WIPI2: variants seen among roughly 807,000 people sequenced by gnomAD.
WIPI2 encodes WD repeat domain, phosphoinositide interacting 2.
A neutral mutation model predicts 52.3 loss-of-function variants in WIPI2; 28 were observed. The observed-to-expected ratio is 0.54, with a 90% CI of 0.40 to 0.73. The LOEUF is 0.73. Ranked by LOEUF, WIPI2 falls within the 30% of genes least tolerant of loss-of-function variation. The pLI, the probability that WIPI2 is intolerant of heterozygous loss-of-function variation, is 0.00. For missense variants in WIPI2, 506 were observed against 602.9 expected (o/e 0.84, Z 1.68); for synonymous variants, 268 against 245.0 (o/e 1.09, Z -0.88).
intron 3 of WIPI2, among the ~76,000 whole-genome samples, chr7:5,200,416 C>A (rs570186758): frequency 6.6e-6 from 1 of 152,288 alleles, no homozygotes; most frequent in South Asian, 2.1e-4. Flanking sequence ...GCATCCTTTA[C>A]CCTGTTCTTC....
intron 2 of WIPI2, chr7:5,193,395 G>A: frequency 7.8e-7 from 1 of 1,280,630 alleles, no homozygotes; most frequent in Non-Finnish European, 1.0e-6. Context: ...AAAAGGGATG[G>A]AATGAAGAAA....
chr7:5,193,702 A>G lies in WIPI2; in HGVS notation c.128+531A>G, dbSNP rs111313365. 4.4e-4 allele frequency among the ~76,000 whole-genome samples: 67 copies of G among 152,248 alleles called. 1 individual carries two copies. The highest frequency in any genetic ancestry group is 3.4e-3 in the Middle Eastern group (1 of 294). On this transcript the variant is annotated intron_variant, in intron 2 of 12. Transcript: ENST00000288828. The stretch of plus-strand genomic sequence containing the variant: ...GCGGTCCTCCTGCCTCAGCCTCCCG[A>G]GAAACCGGGACTACAGGCGTAGGCC...
rs1468227209 is a variant in WIPI2 at position 5,215,202 on chromosome 7, T to C, written c.381+498T>C. On this transcript the variant is annotated intron_variant, in intron 4 of 12. Transcript: ENST00000288828. Reference sequence around the variant, plus strand: ...GGCAGGCACCTGTAATCCCGGCTACTCGGGAGGCTGAGGCAGGAAAATCGC... The same window carrying C: ...GGCAGGCACCTGTAATCCCGGCTACCCGGGAGGCTGAGGCAGGAAAATCGC... Among the ~76,000 whole-genome samples, 3 of 151,972 alleles carry C rather than the reference T, an allele frequency of 2.0e-5. No homozygotes were observed. The East Asian group carries it at 5.8e-4, about 29-fold the overall frequency.
At chr7:5,194,998 A>T (rs533269370) in intron 2 of WIPI2, among the ~76,000 whole-genome samples, 1 of 152,198 alleles carries the variant, frequency 6.6e-6, no homozygotes, top group Admixed American at 6.5e-5. Context: ...GGATGTGTTC[A>T]AGTGCGTTTA....
Position 5,225,850 on chromosome 7 carries a change from C to T in WIPI2, c.768C>T (p.Phe256=), listed in dbSNP as rs1319870578. 1 of 1,613,550 alleles carries T rather than the reference C, an allele frequency of 6.2e-7. No homozygotes were observed. The highest frequency in any genetic ancestry group is 1.7e-5 in the Admixed American group (1 of 59,948). The change falls in exon 9 of 13, where the codon TTC becomes TTT. Residue 256 remains phenylalanine, a synonymous_variant. Coordinates refer to ENST00000288828, the MANE Select transcript of WIPI2 (RefSeq NM_015610.4). ...GCGTGAGCATCTGCTCCCTGGCCTT[C>T]AGCATGGACGGCATGTTCCTCTCCG... is the stretch of plus-strand genomic sequence containing the variant. ...KRCVSICSLA[F]SMDGMFLSAS... is the part of the protein sequence containing the mutation.
rs1304851097 is a variant in WIPI2 at position 5,227,565 on chromosome 7, G to A, written c.1013+221G>A. Among the ~76,000 whole-genome samples the A allele has an allele frequency of 6.6e-6, 1 of 152,194 alleles. No homozygotes were observed. The highest frequency in any genetic ancestry group is 1.5e-5 in the Non-Finnish European group (1 of 68,040). On this transcript the variant is annotated intron_variant, in intron 10 of 12. Coordinates refer to ENST00000288828, the MANE Select transcript of WIPI2 (RefSeq NM_015610.4). This position sits in a 1 kb window ranked among gnomAD's most constrained non-coding sequence, Gnocchi z 8.1. ...AGACGGGCTCCCGTTCTGTTTTTGT[G>A]GATAGTCTGCGGTATTAATGAAAGA...
rs1782903255 is a variant in WIPI2 at position 5,217,909 on chromosome 7, G to T, written c.577-13G>T. 1.2e-6 allele frequency: 2 copies of T among 1,614,034 alleles called. No individual in the cohort carries two copies. The highest frequency in any genetic ancestry group is 1.7e-6 in the Non-Finnish European group (2 of 1,179,932). On this transcript the variant is annotated splice_polypyrimidine_tract_variant and intron_variant, in intron 6 of 12. Transcript: ENST00000288828. ...TGTGCGGTGGCCACTCTTTATTGGTGTCCCTTTTTCAGAGAGCTGCAAACA... is the reference window on the plus strand; with the variant it reads ...TGTGCGGTGGCCACTCTTTATTGGTTTCCCTTTTTCAGAGAGCTGCAAACA...
intron 5 of WIPI2, 132 bp downstream of exon 5, chr7:5,216,791 C>T: frequency 1.1e-6 from 1 of 882,660 alleles, no homozygotes; most frequent in South Asian, 1.7e-5. Flanking sequence ...GATCCCAAAC[C>T]AAGCTGCCTT....
intron 8 of WIPI2, among the ~76,000 whole-genome samples, chr7:5,223,283 G>C (rs1193605271): frequency 6.6e-6 from 1 of 152,198 alleles, no homozygotes; most frequent in Non-Finnish European, 1.5e-5. Context: ...AGCACTTTCA[G>C]TCGCATGGCC....
intron 3 of WIPI2, chr7:5,214,250 T>C: frequency 7.3e-7 from 1 of 1,368,914 alleles, no homozygotes; most frequent in South Asian, 1.5e-5. Flanking sequence ...GTTCCTAAAC[T>C]CACCATTCAA....
intron 3 of WIPI2, chr7:5,212,966 G>A (rs1274996178): frequency 6.6e-6 from 1 of 152,236 alleles, no homozygotes; most frequent in Non-Finnish European, 1.5e-5. Flanking sequence ...TTGACATTCT[G>A]GGTTATGCAC....
chr7:5,221,354 C>G (rs1443689257), intron 7 of WIPI2, among the ~76,000 whole-genome samples: 1 of 152,058 alleles, frequency 6.6e-6, no homozygotes, highest in African/African-American at 2.4e-5. Flanking sequence ...GGAGATCTGC[C>G]CACCTTGACC....
At chr7:5,209,764 C>T (rs1782461485) in intron 3 of WIPI2, among the ~76,000 whole-genome samples, 1 of 152,040 alleles carries the variant, frequency 6.6e-6, no homozygotes, top group Non-Finnish European at 1.5e-5. Flanking sequence ...TGGTTTGTTC[C>T]TCCAGGCAAG....
At position 5,207,796 on chromosome 7, in the gene WIPI2, GTC is replaced by G. The variant is rs1482634302; in HGVS notation, c.212-6735_212-6734del. 3.6e-3 allele frequency among the ~76,000 whole-genome samples: 465 copies of G among 129,184 alleles called. 3 individuals carry two copies. Among genetic ancestry groups the G allele is most frequent in the Admixed American group, 5.0e-3 (56 of 11,200 alleles). The allele number at this position is 129,184 out of a possible 152,430, so 84.7% of individuals were successfully genotyped here. On this transcript the variant is annotated intron_variant, in intron 3 of 12. Transcript: ENST00000288828. ...TTTTTTTTTTTTTTTTTTTGAGAGA[GTC>G]TCTGTCGCCCAGGCTGGAGTGCAGT...
Position 5,230,128 on chromosome 7 carries a change from C to T in WIPI2, c.1252+390C>T, listed in dbSNP as rs753267186. Among the ~76,000 whole-genome samples, 10 of 152,054 alleles carry T rather than the reference C, an allele frequency of 6.6e-5. No individual in the cohort carries two copies. Among genetic ancestry groups the T allele is most frequent in the African/African-American group, 1.4e-4 (6 of 41,402 alleles). On this transcript the variant is annotated intron_variant, in intron 12 of 12. Transcript: ENST00000288828. This position sits in a 1 kb window ranked among gnomAD's most constrained non-coding sequence, Gnocchi z 4.8. ...CCTGGCTCAGGTGACTCTGGGGTCA[C>T]GTGACTTGGGCCCAGACTGGCCACC...
In WIPI2 at chr7:5,227,100, CTGTG is replaced by C; in HGVS notation, c.849-79_849-76del. ...GAGACTTTTGCTGTCGGCTCCAGAG[CTGTG>C]CGTCTGTGTGAGTAGGGGGTGGCCG... On this transcript the variant is annotated intron_variant, in intron 9 of 12. Coordinates refer to ENST00000288828, the MANE Select transcript of WIPI2 (RefSeq NM_015610.4). This position sits in a 1 kb window ranked among gnomAD's most constrained non-coding sequence, Gnocchi z 8.1. 6.4e-7 allele frequency: 1 copy of C among 1,559,822 alleles called. No individual in the cohort carries two copies. The highest frequency in any genetic ancestry group is 8.7e-7 in the Non-Finnish European group (1 of 1,146,016).
rs529068638 is a variant in WIPI2, at chr7:5,232,577, C to G, written c.*1630C>G. ...CGCAGGCTGAGACAGTGGGGACCGC[C>G]GAGGCCAGAGTGGGCTATGCTTGAG... On this transcript the variant is annotated 3_prime_UTR_variant, in exon 13 of 13. Transcript: ENST00000288828. 1 of 355,368 alleles carries G rather than the reference C, an allele frequency of 2.8e-6. No homozygotes were observed. The highest frequency in any genetic ancestry group is 5.0e-6 in the Non-Finnish European group (1 of 199,366). 22.0% of individuals were successfully genotyped at this position (355,368 alleles called of 1,614,324 possible).
intron 11 of WIPI2, among the ~76,000 whole-genome samples, chr7:5,228,429 G>C (rs1044314367): frequency 6.6e-6 from 1 of 152,272 alleles, no homozygotes; most frequent in African/African-American, 2.4e-5. Context: ...GGTGGCGTCA[G>C]GGCTCCCTCA....
At chr7:5,190,604 G>A in intron 1 of WIPI2, 111 bp downstream of exon 1, 2 of 1,145,132 alleles carry the variant, frequency 1.7e-6, no homozygotes, top group Non-Finnish European at 2.3e-6. Flanking sequence ...CCTCCCCGCG[G>A]GCCAAGGCGC....
Sources: allele counts gnomAD v4.1 joint callset (sites outside exome capture counted in the v4.1 genomes callset), GRCh38; gene constraint gnomAD v4.1.1; non-coding constraint Gnocchi (gnomAD v3.1); transcripts MANE v1.5; gene names NCBI Gene and HGNC (gene_info 2026-07-23, HGNC 2026-07-21).